ASIC2: variants seen among roughly 807,000 people sequenced by gnomAD.
ASIC2 encodes the protein acid sensing ion channel subunit 2, also known as acid-sensing ion channel 2.
A neutral mutation model predicts 57.3 loss-of-function variants in ASIC2; 25 were observed. The observed-to-expected ratio is 0.44, with a 90% CI of 0.32 to 0.61. The LOEUF is 0.61. Ranked by LOEUF, ASIC2 falls within the 20% of genes least tolerant of loss-of-function variation. The pLI is 0.06. For missense variants in ASIC2, 641 were observed against 738.1 expected, an observed-to-expected ratio of 0.87 and a Z score of 1.52; for synonymous variants, 319 against 307.5, an observed-to-expected ratio of 1.04 and a Z score of -0.39.
chr17:33,021,332 C>T, intron 6 of ASIC2, 22 bp from the exon 7 acceptor site: 1 of 1,550,604 alleles, frequency 6.4e-7, no homozygotes, highest in Non-Finnish European at 8.9e-7. Flanking sequence ...ATAGTCAGTA[C>T]CATACATGGT....
intron 1 of ASIC2, among the ~76,000 whole-genome samples, chr17:33,566,103 T>G (rs1263419009): frequency 6.6e-6 from 1 of 152,234 alleles, no homozygotes; most frequent in East Asian, 1.9e-4. Context: ...TCCCTTCCCT[T>G]ACGTCTTTCT....
At chr17:33,994,835 C>A (rs1426580311) in intron 1 of ASIC2, among the ~76,000 whole-genome samples, 1 of 152,032 alleles carries the variant, frequency 6.6e-6, no homozygotes, top group Non-Finnish European at 1.5e-5. Flanking sequence ...TTTACTGATC[C>A]CAGATTGGCC....
intron 3 of ASIC2, among the ~76,000 whole-genome samples, chr17:33,066,604 C>A (rs1164951230): frequency 6.6e-6 from 1 of 152,110 alleles, no homozygotes; most frequent in Non-Finnish European, 1.5e-5. Flanking sequence ...AGATCCAGTG[C>A]CTTCACTTTA....
chr17:33,561,090 G>A (rs1031553469), intron 1 of ASIC2, among the ~76,000 whole-genome samples: 1 of 152,100 alleles, frequency 6.6e-6, no homozygotes, highest in African/African-American at 2.4e-5. Context: ...ACAGAGAAAA[G>A]GGAGCATCGT....
At chr17:34,150,452 T>A (rs1904473741) in intron 1 of ASIC2, among the ~76,000 whole-genome samples, 1 of 152,188 alleles carries the variant, frequency 6.6e-6, no homozygotes, top group Non-Finnish European at 1.5e-5. Flanking sequence ...GTTAAATAGT[T>A]TGATTTAGCC....
At chr17:33,807,597 TC>T (rs1912304511) in intron 1 of ASIC2, among the ~76,000 whole-genome samples, 2 of 152,160 alleles carry the variant, frequency 1.3e-5, no homozygotes, top group Admixed American at 6.5e-5. Context: ...CTCTTGTCTC[TC>T]CCCTTTTCCT....
chr17:34,096,653 G>A (rs934106590), intron 1 of ASIC2, among the ~76,000 whole-genome samples: 2 of 151,982 alleles, frequency 1.3e-5, no homozygotes, highest in African/African-American at 4.8e-5. Flanking sequence ...AGGAGATCAT[G>A]ACCATCCTGG....
chr17:33,434,797 T>C (rs1911549818), intron 1 of ASIC2, among the ~76,000 whole-genome samples: 1 of 152,204 alleles, frequency 6.6e-6, no homozygotes, highest in Non-Finnish European at 1.5e-5. Flanking sequence ...CAAATGAAGG[T>C]TAGAACGGAG....
intron 2 of ASIC2, among the ~76,000 whole-genome samples, chr17:33,104,217 G>A (rs1356211978): frequency 3.3e-5 from 5 of 152,096 alleles, no homozygotes; most frequent in African/African-American, 7.2e-5. Context: ...AAAACCCTTC[G>A]ATTGCCATTT....
intron 7 of ASIC2, among the ~76,000 whole-genome samples, chr17:33,018,814 T>C (rs1359698993): frequency 3.3e-5 from 5 of 150,872 alleles, no homozygotes; most frequent in African/African-American, 1.2e-4. Context: ...TGGAAAGAGG[T>C]TTGGGAATTG....
At chr17:33,286,553 C>G (rs1489215236) in intron 1 of ASIC2, among the ~76,000 whole-genome samples, 2 of 152,190 alleles carry the variant, frequency 1.3e-5, no homozygotes, top group African/African-American at 4.8e-5. Flanking sequence ...CTGAACTAGG[C>G]GCGGGGCCTA....
intron 1 of ASIC2, among the ~76,000 whole-genome samples, chr17:33,530,622 G>C (rs1008196020): frequency 6.6e-6 from 1 of 152,202 alleles, no homozygotes; most frequent in Non-Finnish European, 1.5e-5. Flanking sequence ...CCTGCACTAA[G>C]CCCTTTTTTC....
intron 1 of ASIC2, among the ~76,000 whole-genome samples, chr17:33,594,827 CAAAAAAAA>C (rs61263575): frequency 8.8e-6 from 1 of 114,196 alleles, no homozygotes; most frequent in African/African-American, 3.6e-5. Context: ...GACTCCATTT[CAAAAAAAA>C]AAAAAAAAAG....
intron 1 of ASIC2, among the ~76,000 whole-genome samples, chr17:33,346,700 T>A (rs987931251): frequency 6.6e-6 from 1 of 152,100 alleles, no homozygotes; most frequent in Non-Finnish European, 1.5e-5. Flanking sequence ...GCTGAAGATA[T>A]AGATCTGGGA....
intron 1 of ASIC2, among the ~76,000 whole-genome samples, chr17:33,671,437 G>A (rs890674490): frequency 5.3e-5 from 8 of 152,298 alleles, no homozygotes; most frequent in Non-Finnish European, 8.8e-5. Flanking sequence ...CCATGATAGC[G>A]TTCCCACTGG....
intron 1 of ASIC2, among the ~76,000 whole-genome samples, chr17:33,937,551 T>A (rs769965200): frequency 6.6e-6 from 1 of 152,214 alleles, no homozygotes; most frequent in Admixed American, 6.5e-5. Flanking sequence ...GCCTTCCTTT[T>A]TCTATGCAGA....
At position 33,880,146 on chromosome 17, in the gene ASIC2, G is replaced by T. The variant is rs145151200; in HGVS notation, c.555+275832C>A. 8.0e-3 allele frequency among the ~76,000 whole-genome samples: 1,221 copies of T among 152,276 alleles called. 20 individuals are homozygous for T. Among genetic ancestry groups the T allele is most frequent in the African/African-American group, 0.028 (1,161 of 41,548 alleles). ...TTTATAGAACTAAATGCCCACAAGAGAAAGCAGGAAAGATCAAAAATTGAC... is the reference window on the plus strand; with the variant it reads ...TTTATAGAACTAAATGCCCACAAGATAAAGCAGGAAAGATCAAAAATTGAC... On this transcript the variant is annotated intron_variant, in intron 1 of 9. Transcript: ENST00000359872.
At chr17:33,382,448 C>G (rs1289910438) in intron 1 of ASIC2, among the ~76,000 whole-genome samples, 2 of 152,182 alleles carry the variant, frequency 1.3e-5, no homozygotes, top group African/African-American at 4.8e-5. Context: ...TGGCCTTCTT[C>G]ACAGCAGGAG....
intron 1 of ASIC2, among the ~76,000 whole-genome samples, chr17:33,665,317 T>TG (rs1214756395): frequency 6.6e-6 from 1 of 152,166 alleles, no homozygotes; most frequent in Non-Finnish European, 1.5e-5. Context: ...TATGTACTGA[T>TG]GGGGGTGTCG....
Sources: allele counts gnomAD v4.1 joint callset (sites outside exome capture counted in the v4.1 genomes callset), GRCh38; gene constraint gnomAD v4.1.1; transcripts MANE v1.5; gene names NCBI Gene and HGNC (gene_info 2026-07-23, HGNC 2026-07-21).